Variants in GAK observed in about 807,000 individuals in gnomAD.
GAK encodes cyclin-G-associated kinase.
In GAK, 79 loss-of-function variants were observed where a neutral mutation model predicts 143.9. That is an observed-to-expected ratio of 0.55 (90% CI 0.46 to 0.66). The LOEUF (loss-of-function observed/expected upper bound fraction) is 0.66. Among genes scored for constraint, GAK ranks in the 30% least tolerant of loss-of-function variants. The pLI is 0.00. For synonymous variants in GAK, 881 were observed against 765.5 expected (o/e 1.15, Z -2.49); for missense variants, 1,693 against 1,779.7 (o/e 0.95, Z 0.88).
chr4:865,007 G>C, intron 23 of GAK, 115 bp downstream of exon 23: 1 of 1,384,910 alleles, frequency 7.2e-7, no homozygotes, highest in Non-Finnish European at 9.7e-7. Flanking sequence ...GCACGCCCCA[G>C]CCCTTCCTTC....
intron 7 of GAK, among the ~76,000 whole-genome samples, chr4:895,024 T>C (rs577486328): frequency 7.1e-5 from 10 of 141,450 alleles, no homozygotes; most frequent in African/African-American, 2.7e-4. Context: ...TAAAGGTTCC[T>C]TTCAAAATTC....
chr4:906,285 C>G (rs1191768399), intron 4 of GAK, among the ~76,000 whole-genome samples: 1 of 152,212 alleles, frequency 6.6e-6, no homozygotes, highest in Non-Finnish European at 1.5e-5. Context: ...CACAAGTGCT[C>G]AAACCTCTAA....
At chr4:917,970 AGAG>A (rs1307218955) in intron 1 of GAK, among the ~76,000 whole-genome samples, 1 of 152,256 alleles carries the variant, frequency 6.6e-6, no homozygotes, top group African/African-American at 2.4e-5. Flanking sequence ...TTCATTAGAT[AGAG>A]GAGAAGGGTT....
Position 867,384 on chromosome 4 carries a change from C to T in GAK, c.2444G>A (p.Ser815Asn). ...TCTGTCCTCCATCAGGGCAGACTCG[C>T]TCTCCTTGGAAGAGGCATTTTCTGC... ...TGAENASSKE[S>N]ESALMEDRDE... The change falls in exon 21 of 28, where the codon AGC becomes AAC. Residue 815 changes from serine to asparagine, a missense_variant. Ser to Asn is a conservative substitution (Grantham distance 46). Coordinates refer to ENST00000314167, the MANE Select transcript of GAK (RefSeq NM_005255.4). 1 of 1,571,066 alleles carries T rather than the reference C, an allele frequency of 6.4e-7. No homozygotes were observed. The highest frequency in any genetic ancestry group is 8.7e-7 in the Non-Finnish European group (1 of 1,155,126).
At chr4:882,633 G>C in intron 14 of GAK, 64 bp downstream of exon 14, 1 of 1,583,676 alleles carries the variant, frequency 6.3e-7, no homozygotes, top group Non-Finnish European at 8.6e-7. Context: ...AGATCCTGTT[G>C]AACTATGCAT....
At chr4:902,236 A>G (rs1466768737) in intron 5 of GAK, among the ~76,000 whole-genome samples, 1 of 137,424 alleles carries the variant, frequency 7.3e-6, no homozygotes, top group African/African-American at 2.7e-5. Context: ...GACTCCGCCT[A>G]AAAAAAAAAA....
intron 17 of GAK, 47 bp downstream of exon 17, chr4:877,043 G>T: frequency 7.6e-7 from 1 of 1,321,654 alleles, no homozygotes; most frequent in Non-Finnish European, 1.1e-6. Flanking sequence ...CCCCCCATGA[G>T]CCTAGGCGTG....
At chr4:917,599 G>T (rs374951517) in intron 1 of GAK, among the ~76,000 whole-genome samples, 10 of 152,376 alleles carry the variant, frequency 6.6e-5, no homozygotes, top group East Asian at 1.9e-4. Flanking sequence ...TATAGTAACA[G>T]AAGGCCAATC....
chr4:912,804 G>A lies in GAK; in HGVS notation c.208-10C>T, dbSNP rs1722270731. The A allele has an allele frequency of 6.2e-7, 1 of 1,611,142 alleles. No individual in the cohort carries two copies. The highest frequency in any genetic ancestry group is 1.3e-5 in the African/African-American group (1 of 74,948). On this transcript the variant is annotated splice_polypyrimidine_tract_variant and intron_variant, in intron 2 of 27. Coordinates refer to ENST00000314167, the MANE Select transcript of GAK (RefSeq NM_005255.4). ...CATTGGATAATAGCCTCTGTATCAG[G>A]AAACAGCACACACAAAAGATGAAAG... is the stretch of plus-strand genomic sequence containing the variant.
chr4:923,450 C>T (rs534034596), intron 1 of GAK, among the ~76,000 whole-genome samples: 4 of 152,278 alleles, frequency 2.6e-5, no homozygotes, highest in Non-Finnish European at 5.9e-5. Context: ...GGGAGAATCA[C>T]TTGAGCCCAG....
At chr4:882,116 T>A in intron 14 of GAK, 76 bp from the exon 15 acceptor site, 1 of 1,472,932 alleles carries the variant, frequency 6.8e-7, no homozygotes, top group Non-Finnish European at 9.1e-7. Flanking sequence ...TCGGGCATCC[T>A]ACCCACCCTG....
chr4:864,151 G>C (rs1750738796), intron 23 of GAK, among the ~76,000 whole-genome samples: 3 of 152,168 alleles, frequency 2.0e-5, no homozygotes, highest in African/African-American at 7.2e-5. Flanking sequence ...CTAAGCCCGG[G>C]AGTTCTAGAC....
intron 1 of GAK, among the ~76,000 whole-genome samples, chr4:914,362 C>T (rs1722634234): frequency 2.6e-5 from 3 of 115,572 alleles, no homozygotes; most frequent in African/African-American, 3.4e-5. Context: ...CCCCAGCGTG[C>T]ACGGCCCCCA....
Position 868,627 on chromosome 4 carries a change from C to T in GAK, c.2307G>A (p.Gly769=), listed in dbSNP as rs1405204249. The change falls in exon 20 of 28, where the codon GGG becomes GGA. Residue 769 remains glycine (G), a synonymous_variant. Transcript: ENST00000314167. Reference sequence around the variant, plus strand: ...AGTCTGTGGGTTCGGCTTCCGGGGACCCTGCCCCAGCATCATACTGAGCCG... The same window carrying T: ...AGTCTGTGGGTTCGGCTTCCGGGGATCCTGCCCCAGCATCATACTGAGCCG... The part of the protein sequence containing the change: ...GSTAQYDAGA[G]SPEAEPTDSD... 2.5e-6 allele frequency: 4 copies of T among 1,574,940 alleles called. No homozygotes were observed. In the African/African-American group the frequency reaches 5.4e-5, roughly 21 times the overall value.
intron 23 of GAK, 84 bp downstream of exon 23, chr4:865,038 C>A: frequency 1.3e-6 from 2 of 1,527,722 alleles, no homozygotes; most frequent in African/African-American, 2.7e-5. Flanking sequence ...CAGAGAGGGC[C>A]CTGTTACAGG....
chr4:849,817 G>T (rs765656211), intron 27 of GAK, 43 bp from the exon 28 acceptor site: 2 of 1,516,922 alleles, frequency 1.3e-6, no homozygotes, highest in Non-Finnish European at 1.8e-6. Context: ...TAAGCATGCG[G>T]GGGCGGGCGG....
chr4:904,560 T>G (rs1022867508), intron 5 of GAK, 77 bp downstream of exon 5: 36 of 1,456,554 alleles, frequency 2.5e-5, no homozygotes, highest in Admixed American at 4.9e-5. Flanking sequence ...GAGGTCCCTG[T>G]GGATGATGGG....
intron 5 of GAK, among the ~76,000 whole-genome samples, chr4:900,134 C>T (rs928442519): frequency 6.6e-6 from 1 of 152,230 alleles, no homozygotes; most frequent in Non-Finnish European, 1.5e-5. Flanking sequence ...CGCGTGTGCC[C>T]GTTCCCATTC....
chr4:879,561 T>G (rs1714680428), intron 15 of GAK, among the ~76,000 whole-genome samples: 1 of 152,230 alleles, frequency 6.6e-6, no homozygotes, highest in African/African-American at 2.4e-5. Context: ...TTTTTGTACC[T>G]GATGCATCTT....
Sources: gnomAD v4.1 joint callset for allele counts (sites outside exome capture counted in the v4.1 genomes callset) on GRCh38, gnomAD v4.1.1 for gene constraint, MANE v1.5 for transcripts, NCBI Gene and HGNC (gene_info 2026-07-23, HGNC 2026-07-21) for gene names.